The following RNF144B variants were observed in gnomAD, a reference collection of about 807,000 sequenced individuals.
RNF144B encodes ring finger protein 144B.
In RNF144B, 25 loss-of-function variants were observed where a neutral mutation model predicts 40.2. The observed-to-expected ratio is 0.62, with a 90% confidence interval of 0.45 to 0.87. RNF144B has a LOEUF of 0.87. RNF144B is among the 40% of genes least tolerant of loss of function. The probability of loss-of-function intolerance (pLI) is 0.00; values close to 1 mark genes in which losing one functional copy is unlikely to be tolerated. For synonymous variants in RNF144B, 145 were observed against 136.3 expected (o/e 1.06, Z -0.44); for missense variants, 365 against 373.7 (o/e 0.98, Z 0.19).
Position 18,460,625 on chromosome 6 carries a change from C to T in RNF144B, c.681+874C>T, listed in dbSNP as rs542199387. Among the ~76,000 whole-genome samples the T allele has an allele frequency of 5.9e-5, 9 of 152,120 alleles. No individual in the cohort carries two copies. Among genetic ancestry groups the T allele is most frequent in the Non-Finnish European group, 1.3e-4 (9 of 68,020 alleles). On this transcript the variant is annotated intron_variant, in intron 6 of 7. Transcript: ENST00000259939. The surrounding 1 kb of genome is among the most constrained non-coding windows in gnomAD (Gnocchi z 4.4). ...TCATGCTCTCTTGCATGCTCTCACTCGCTCTCTCTCTCTCTTGTTCATGAG... is the reference window on the plus strand; with the variant it reads ...TCATGCTCTCTTGCATGCTCTCACTTGCTCTCTCTCTCTCTTGTTCATGAG...
chr6:18,467,395 C>CTTTTTTTTTTTTTTTTTTTTTT lies in RNF144B; in HGVS notation c.*2332_*2333insTTTTTTTTTTTTTTTTTTTTTT, dbSNP rs1185836741. Reference sequence around the variant, plus strand: ...AGAGTTTGTATCACTGAATTAGCTGCTTTTGTTTTTTTTTTTTTTTTTTTG... The same window carrying CTTTTTTTTTTTTTTTTTTTTTT: ...AGAGTTTGTATCACTGAATTAGCTGCTTTTTTTTTTTTTTTTTTTTTTTTTTGTTTTTTTTTTTTTTTTTTTG... On this transcript the variant is annotated 3_prime_UTR_variant, in exon 8 of 8. Coordinates refer to ENST00000259939, the MANE Select transcript of RNF144B (RefSeq NM_182757.4). 1 of 29,228 alleles carries CTTTTTTTTTTTTTTTTTTTTTT rather than the reference C, an allele frequency of 3.4e-5. No individual in the cohort carries two copies. 1.8% of individuals were successfully genotyped at this position (29,228 alleles called of 1,614,324 possible). A position where few individuals can be genotyped will look rare whatever the true frequency, so the allele number is the denominator to read the frequency against.
chr6:18,417,123 T>A (rs1398622416), intron 2 of RNF144B, among the ~76,000 whole-genome samples: 6 of 152,110 alleles, frequency 3.9e-5, no homozygotes, highest in African/African-American at 1.4e-4. Context: ...ATAAAAGATA[T>A]CCCATCTTCA....
rs191860481 is a variant in RNF144B, at chr6:18,444,511, G to A, written c.331+4767G>A. 4.0e-5 allele frequency among the ~76,000 whole-genome samples: 6 copies of A among 151,850 alleles called. No individual in the cohort carries two copies. The East Asian group carries it at 5.8e-4, about 15-fold the overall frequency. ...AAGATGATCCATCTTGAGTTCTTAC[G>A]CACTTTTCCTTTTTTTGTGACCCTG... On this transcript the variant is annotated intron_variant, in intron 4 of 7. Coordinates refer to ENST00000259939, the MANE Select transcript of RNF144B (RefSeq NM_182757.4). This position sits in a 1 kb window ranked among gnomAD's most constrained non-coding sequence, Gnocchi z 4.3.
chr6:18,462,453 C>G (rs1759476425), intron 6 of RNF144B, among the ~76,000 whole-genome samples: 1 of 152,140 alleles, frequency 6.6e-6, no homozygotes, highest in African/African-American at 2.4e-5. Context: ...TTCCTCGATC[C>G]AGTCTTAAAT....
intron 3 of RNF144B, among the ~76,000 whole-genome samples, chr6:18,436,162 A>T (rs1227198106): frequency 6.6e-6 from 1 of 152,214 alleles, no homozygotes; most frequent in Non-Finnish European, 1.5e-5. Flanking sequence ...AAAAATTCAT[A>T]ACCTGAATCT....
chr6:18,393,376 G>T (rs1035617567), intron 1 of RNF144B, among the ~76,000 whole-genome samples: 3 of 152,166 alleles, frequency 2.0e-5, no homozygotes, highest in Non-Finnish European at 4.4e-5. Context: ...ATAAGCCCTT[G>T]CTTCCTTCAT....
Position 18,422,739 on chromosome 6 carries a change from A to G in RNF144B, c.166-4842A>G, listed in dbSNP as rs1758459513. ...CACTTTGGGAAGCTGAGGCGACAGG[A>G]TTCTTTGAGCCCAGGAGTTTGAGAC... is the stretch of plus-strand genomic sequence containing the variant. On this transcript the variant is annotated intron_variant, in intron 2 of 7. Coordinates refer to ENST00000259939, the MANE Select transcript of RNF144B (RefSeq NM_182757.4). This position sits in a 1 kb window ranked among gnomAD's most constrained non-coding sequence, Gnocchi z 4.7. 6.6e-6 allele frequency among the ~76,000 whole-genome samples: 1 copy of G among 152,130 alleles called. No individual in the cohort carries two copies. The highest frequency in any genetic ancestry group is 2.1e-4 in the South Asian group (1 of 4,828).
chr6:18,413,564 T>C (rs1301556381), intron 2 of RNF144B, among the ~76,000 whole-genome samples: 1 of 152,242 alleles, frequency 6.6e-6, no homozygotes, highest in Non-Finnish European at 1.5e-5. Context: ...TTTACACAAC[T>C]GGAAGTTCCC....
intron 2 of RNF144B, among the ~76,000 whole-genome samples, chr6:18,415,020 T>A (rs1320070948): frequency 6.6e-6 from 1 of 152,212 alleles, no homozygotes; most frequent in Non-Finnish European, 1.5e-5. Context: ...AGTATTTGCA[T>A]GTAACCTATG....
At chr6:18,403,411 G>T (rs1209157915) in intron 2 of RNF144B, among the ~76,000 whole-genome samples, 3 of 152,178 alleles carry the variant, frequency 2.0e-5, no homozygotes, top group Non-Finnish European at 4.4e-5. Flanking sequence ...GTTGGGCATG[G>T]CCTATTTACC....
rs1219659143 is a variant in RNF144B at position 18,446,369 on chromosome 6, A to T, written c.331+6625A>T. 6.6e-6 allele frequency among the ~76,000 whole-genome samples: 1 copy of T among 152,138 alleles called. No homozygotes were observed. Among genetic ancestry groups the T allele is most frequent in the African/African-American group, 2.4e-5 (1 of 41,442 alleles). On this transcript the variant is annotated intron_variant, in intron 4 of 7. Transcript: ENST00000259939. This position sits in a 1 kb window ranked among gnomAD's most constrained non-coding sequence, Gnocchi z 4.7. ...AAGGGCATTGTGAAGTGTAGGTGCC[A>T]TGCTGTGCTCAGATATCTTTTCAGT...
At chr6:18,452,276 A>G (rs982209623) in intron 4 of RNF144B, among the ~76,000 whole-genome samples, 3 of 152,216 alleles carry the variant, frequency 2.0e-5, no homozygotes, top group African/African-American at 7.2e-5. Context: ...AGCCTTGCCT[A>G]CCGTCAGAGA....
chr6:18,452,807 C>T (rs1431305307), intron 4 of RNF144B, among the ~76,000 whole-genome samples: 3 of 151,918 alleles, frequency 2.0e-5, no homozygotes, highest in African/African-American at 7.3e-5. Flanking sequence ...TATTTTGAGA[C>T]AGTGTTTCTC....
rs1758461673 is a variant in RNF144B, at chr6:18,422,867, G to A, written c.166-4714G>A. Among the ~76,000 whole-genome samples, 1 of 151,684 alleles carries A rather than the reference G, an allele frequency of 6.6e-6. No individual in the cohort carries two copies. Among genetic ancestry groups the A allele is most frequent in the Non-Finnish European group, 1.5e-5 (1 of 67,956 alleles). On this transcript the variant is annotated intron_variant, in intron 2 of 7. Transcript: ENST00000259939. This position sits in a 1 kb window ranked among gnomAD's most constrained non-coding sequence, Gnocchi z 4.7. ...CAGCTACTGAGGAGCTGAGGTGGGA[G>A]GATCACTGAACCCAGGAGTTTGAGG...
intron 1 of RNF144B, among the ~76,000 whole-genome samples, chr6:18,396,997 GA>G: frequency 6.6e-6 from 1 of 152,056 alleles, no homozygotes; most frequent in Admixed American, 6.5e-5. Flanking sequence ...CATTTGCTGA[GA>G]AAAAAACCAT....
At chr6:18,427,111 T>C (rs1160343999) in intron 2 of RNF144B, among the ~76,000 whole-genome samples, 4 of 152,190 alleles carry the variant, frequency 2.6e-5, no homozygotes, top group Admixed American at 2.6e-4. Context: ...ATGTTTGCTT[T>C]TAAGCGTGGT....
chr6:18,427,734 A>G, intron 3 of RNF144B, 49 bp downstream of exon 3: 1 of 1,221,196 alleles, frequency 8.2e-7, no homozygotes, highest in Non-Finnish European at 1.2e-6. Context: ...TATGTTATTT[A>G]TTAGGATCTT....
chr6:18,417,636 C>T (rs1320754200), intron 2 of RNF144B, among the ~76,000 whole-genome samples: 4 of 151,990 alleles, frequency 2.6e-5, no homozygotes, highest in African/African-American at 9.7e-5. Context: ...AAGAAGAAAA[C>T]ATAGGAAAAT....
In RNF144B at chr6:18,450,346, G is replaced by A. The variant is rs1759184562; in HGVS notation, c.332-6809G>A. 6.6e-6 allele frequency among the ~76,000 whole-genome samples: 1 copy of A among 151,926 alleles called. No homozygotes were observed. The highest frequency in any genetic ancestry group is 6.6e-5 in the Admixed American group (1 of 15,248). On this transcript the variant is annotated intron_variant, in intron 4 of 7. Transcript: ENST00000259939. This position sits in a 1 kb window ranked among gnomAD's most constrained non-coding sequence, Gnocchi z 4.7. ...GGAGTCTTGCTCTGTCACCCAGGCT[G>A]GAGTGCAGTGGCAATATTTCAGCTT... is the stretch of plus-strand genomic sequence containing the variant.
Sources: gnomAD v4.1 joint callset for allele counts (sites outside exome capture counted in the v4.1 genomes callset) on GRCh38, gnomAD v4.1.1 for gene constraint, Gnocchi (gnomAD v3.1) non-coding constraint, MANE v1.5 for transcripts, NCBI Gene and HGNC (gene_info 2026-07-23, HGNC 2026-07-21) for gene names.